AMPD3: variants seen among roughly 807,000 people sequenced by gnomAD.
AMPD3 encodes adenosine monophosphate deaminase 3.
In AMPD3, 57 loss-of-function variants were observed where a neutral mutation model predicts 82.3. The observed-to-expected ratio is 0.69, with a 90% CI of 0.56 to 0.86. The LOEUF (loss-of-function observed/expected upper bound fraction) is 0.86, where lower values mean the gene tolerates loss of function less well. AMPD3 is among the 40% of genes least tolerant of loss of function. The pLI is 0.00. For synonymous variants in AMPD3, 381 were observed against 394.7 expected, an observed-to-expected ratio of 0.97 and a Z score of 0.41; for missense variants, 870 against 1,003.8, an observed-to-expected ratio of 0.87 and a Z score of 1.80.
chr11:10,478,562 G>A lies in AMPD3; in HGVS notation c.258G>A (p.Leu86=). 6.2e-7 allele frequency: 1 copy of A among 1,614,210 alleles called. No homozygotes were observed. Among genetic ancestry groups the A allele is most frequent in the Non-Finnish European group, 8.5e-7 (1 of 1,180,042 alleles). ...KSFKMIRSQS[L]SLQMPPQQDW... ...TCAAGATGATTCGGTCCCAGTCCCTGTCTCTGCAAATGCCGCCACAGCAAG... is the reference window on the plus strand; with the variant it reads ...TCAAGATGATTCGGTCCCAGTCCCTATCTCTGCAAATGCCGCCACAGCAAG... Residue 86 remains leucine, a synonymous_variant, in exon 3 of 15, where the codon CTG becomes CTA. Coordinates refer to ENST00000396553, the MANE Select transcript of AMPD3 (RefSeq NM_001025389.2).
At chr11:10,453,889 T>C (rs1322629367), upstream of AMPD3, among the ~76,000 whole-genome samples, 2 of 152,194 alleles carry the variant, frequency 1.3e-5, no homozygotes, top group Non-Finnish European at 2.9e-5. Flanking sequence ...GCCCGGCCGA[T>C]ATCTTTCTTG....
chr11:10,501,938 C>T (rs1413098100), intron 12 of AMPD3: 8 of 985,220 alleles, frequency 8.1e-6, no homozygotes, highest in Non-Finnish European at 7.2e-6. Flanking sequence ...TCGTCCCTTA[C>T]TGTTGTATGA....
chr11:10,486,952 G>A (rs149045132), intron 5 of AMPD3: 2 of 985,404 alleles, frequency 2.0e-6, no homozygotes, highest in East Asian at 2.3e-4. Context: ...ATGGAGGCTT[G>A]CGGTTAATTC....
In AMPD3 at chr11:10,504,623, C is replaced by T. The variant is rs1469192026; in HGVS notation, c.2091C>T (p.Ala697=). Residue 697 remains alanine (A), a synonymous_variant, in exon 14 of 15, where the codon GCC becomes GCT. Transcript: ENST00000396553. ...KLSTCDLCEI[A]RNSVLQSGLS... ...GCACCTGCGACCTGTGTGAGATCGC[C>T]AGGAACAGCGTGCTGCAGAGCGGCC... 6.2e-7 allele frequency: 1 copy of T among 1,614,148 alleles called. No individual in the cohort carries two copies. Among genetic ancestry groups the T allele is most frequent in the Admixed American group, 1.7e-5 (1 of 60,024 alleles).
upstream of AMPD3, among the ~76,000 whole-genome samples, chr11:10,451,448 G>A (rs1847960909): frequency 6.6e-6 from 1 of 152,238 alleles, no homozygotes; most frequent in Non-Finnish European, 1.5e-5. Flanking sequence ...ATAGGGTGAT[G>A]AGGTCGTTTG....
intron 3 of AMPD3, chr11:10,481,387 C>T: frequency 1.0e-6 from 1 of 961,800 alleles, no homozygotes; most frequent in Non-Finnish European, 1.2e-6. Context: ...CAGGCTTTGT[C>T]CCTCCATGGG....
chr11:10,461,873 G>T, intron 2 of AMPD3, 133 bp downstream of exon 2: 1 of 845,288 alleles, frequency 1.2e-6, no homozygotes, highest in Non-Finnish European at 1.9e-6. Context: ...CCTTAACCAA[G>T]ACCACTTAAC....
At chr11:10,484,734 G>T (rs1278040541) in intron 4 of AMPD3, 86 bp from the exon 5 acceptor site, 30 of 1,521,116 alleles carry the variant, frequency 2.0e-5, no homozygotes, top group Non-Finnish European at 2.6e-5. Context: ...TGGGCAGGAA[G>T]GCCAGCGCAG....
At chr11:10,460,060 A>G (rs1848217546) in intron 1 of AMPD3, among the ~76,000 whole-genome samples, 1 of 144,832 alleles carries the variant, frequency 6.9e-6, no homozygotes, top group Non-Finnish European at 1.5e-5. Flanking sequence ...TATATATAAT[A>G]TATATTATAT....
Position 10,502,704 on chromosome 11 carries a change from C to G in AMPD3, c.1843-17C>G, listed in dbSNP as rs368314315. 9.3e-6 allele frequency: 15 copies of G among 1,613,770 alleles called. No homozygotes were observed. The highest frequency in any genetic ancestry group is 1.3e-5 in the Non-Finnish European group (15 of 1,179,898). ...CTCTCTGGCACTTGTCACATGAGTT[C>G]GGTGGTTCTTTTGCAGAGTCCGGTA... On this transcript the variant is annotated splice_polypyrimidine_tract_variant and intron_variant, in intron 12 of 14. Coordinates refer to ENST00000396553, the MANE Select transcript of AMPD3 (RefSeq NM_001025389.2).
At chr11:10,486,700 C>T in intron 5 of AMPD3, 1 of 985,402 alleles carries the variant, frequency 1.0e-6, no homozygotes, top group Non-Finnish European at 1.2e-6. Flanking sequence ...TCCTCTGCAA[C>T]CCAAGGTGGG....
Position 10,456,377 on chromosome 11 carries a change from A to C in AMPD3, c.-6+929A>C. 6.2e-7 allele frequency: 1 copy of C among 1,613,772 alleles called. No individual in the cohort carries two copies. The highest frequency in any genetic ancestry group is 1.3e-5 in the African/African-American group (1 of 75,052). ...GGTGCATCACTTGAGTGGCATCTTC[A>C]GGACCAGTCATGGAGCCAGGCTCAG... On this transcript the variant is annotated intron_variant, in intron 1 of 14. Coordinates refer to ENST00000396553, the MANE Select transcript of AMPD3 (RefSeq NM_001025389.2). The surrounding 1 kb of genome is among the most constrained non-coding windows in gnomAD (Gnocchi z 4.3).
chr11:10,490,709 C>T, intron 6 of AMPD3: 2 of 945,494 alleles, frequency 2.1e-6, no homozygotes, highest in South Asian at 4.9e-5. Context: ...GGCTGACCCC[C>T]CTGTGGTGTG....
At chr11:10,469,207 G>GT (rs796952267) in intron 2 of AMPD3, among the ~76,000 whole-genome samples, 1,606 of 148,114 alleles carry the variant, frequency 0.011, 12 homozygotes, top group African/African-American at 0.029. Context: ...TCCAGGAGCT[G>GT]TTTTTTTTTT....
chr11:10,457,755 C>T (rs1383678948), intron 1 of AMPD3, among the ~76,000 whole-genome samples: 1 of 151,978 alleles, frequency 6.6e-6, no homozygotes, highest in Admixed American at 6.5e-5. Flanking sequence ...ATTAGCCAGG[C>T]ATAGTGGTGT....
intron 11 of AMPD3, 42 bp from the exon 12 acceptor site, chr11:10,501,428 C>T: frequency 2.5e-6 from 4 of 1,608,306 alleles, no homozygotes; most frequent in Non-Finnish European, 3.4e-6. Flanking sequence ...GCAGAGCCAA[C>T]TGGGGGGGGC....
chr11:10,506,213 A>G lies in AMPD3; in HGVS notation c.*329A>G. The G allele has an allele frequency of 2.8e-6, 1 of 359,610 alleles. No individual in the cohort carries two copies. The highest frequency in any genetic ancestry group is 5.3e-6 in the Non-Finnish European group (1 of 189,010). The allele number at this position is 359,610 out of a possible 1,614,324, so 22.3% of individuals were successfully genotyped here. ...GATTTTCCCTGGTCAGATGCCAAGT[A>G]ACATGTGGTTTTCTGCCATACTTTT... is the stretch of plus-strand genomic sequence containing the variant. On this transcript the variant is annotated 3_prime_UTR_variant, in exon 15 of 15. Coordinates refer to ENST00000396553, the MANE Select transcript of AMPD3 (RefSeq NM_001025389.2). This position sits in a 1 kb window ranked among gnomAD's most constrained non-coding sequence, Gnocchi z 4.1.
chr11:10,478,750 G>T lies in AMPD3; in HGVS notation c.426+20G>T. The T allele has an allele frequency of 6.2e-7, 1 of 1,607,208 alleles. No homozygotes were observed. Among genetic ancestry groups the T allele is most frequent in the Admixed American group, 1.7e-5 (1 of 60,018 alleles). ...GCCGGGGTAAGGCGTCTGTGAGAGT[G>T]TTGAATGTGCCTTGCATGCAAAGGC... On this transcript the variant is annotated intron_variant, in intron 3 of 14. Transcript: ENST00000396553.
Position 10,481,580 on chromosome 11 carries a change from A to G in AMPD3, c.427-483A>G, listed in dbSNP as rs567312843. On this transcript the variant is annotated intron_variant, in intron 3 of 14. Coordinates refer to ENST00000396553, the MANE Select transcript of AMPD3 (RefSeq NM_001025389.2). ...CAGGAGGACTCACAGGACTCAGCAT[A>G]TAGCTGTACTTACAGCTTTGATTTA... The G allele has an allele frequency of 6.1e-5, 50 of 821,380 alleles. No homozygotes were observed. In the African/African-American group the frequency reaches 8.7e-4, roughly 14 times the overall value. The allele number at this position is 821,380 out of a possible 1,614,324, so 50.9% of individuals were successfully genotyped here.
Sources: gnomAD v4.1 joint callset for allele counts (sites outside exome capture counted in the v4.1 genomes callset) on GRCh38, gnomAD v4.1.1 for gene constraint, Gnocchi (gnomAD v3.1) non-coding constraint, MANE v1.5 for transcripts, NCBI Gene and HGNC (gene_info 2026-07-23, HGNC 2026-07-21) for gene names.